ICE2: variants seen among roughly 807,000 people sequenced by gnomAD.
ICE2 encodes the protein little elongation complex subunit 2.
ICE2 carries 87 observed loss-of-function variants against 105.4 expected under a neutral mutation model. The ratio of observed to expected loss-of-function variants is 0.83; its 90% CI spans 0.69 to 0.99. The LOEUF is 0.99. Ranked by LOEUF, ICE2 falls within the 50% of genes least tolerant of loss-of-function variation. ICE2 has a pLI of 0.00. For missense variants in ICE2, 1,323 were observed against 1,146.7 expected, an observed-to-expected ratio of 1.15 and a Z score of -2.22; for synonymous variants, 399 against 392.0, an observed-to-expected ratio of 1.02 and a Z score of -0.21.
intron 9 of ICE2, among the ~76,000 whole-genome samples, 182 bp from the exon 10 acceptor site, chr15:60,450,023 T>A (rs1344861640): frequency 6.6e-6 from 1 of 152,192 alleles, no homozygotes; most frequent in Non-Finnish European, 1.5e-5. Context: ...ATTAACCTCA[T>A]CTTCCCACTG....
intron 3 of ICE2, among the ~76,000 whole-genome samples, chr15:60,474,234 T>C (rs2064690313): frequency 6.6e-6 from 1 of 152,098 alleles, no homozygotes. Flanking sequence ...TGCTTGTTTT[T>C]ACGTAAACTT....
chr15:60,441,303 A>G (rs193262340), intron 12 of ICE2: 24 of 152,228 alleles, frequency 1.6e-4, no homozygotes, highest in African/African-American at 5.8e-4. Flanking sequence ...TGAGTTAAGC[A>G]GAAAGAATCA....
chr15:60,447,349 T>C (rs1029268090), intron 11 of ICE2: 2 of 152,184 alleles, frequency 1.3e-5, no homozygotes, highest in African/African-American at 4.8e-5. Context: ...CCAATCTAGA[T>C]GTAATCTATG....
At chr15:60,459,098 A>G (rs1216668580) in intron 5 of ICE2, among the ~76,000 whole-genome samples, 1 of 152,202 alleles carries the variant, frequency 6.6e-6, no homozygotes, top group African/African-American at 2.4e-5. Context: ...AAATGGTGAA[A>G]ACGGTAAATT....
intron 5 of ICE2, among the ~76,000 whole-genome samples, chr15:60,465,394 T>C (rs1434973920): frequency 3.3e-5 from 5 of 152,204 alleles, no homozygotes; most frequent in Non-Finnish European, 5.9e-5. Context: ...TTTTATTATG[T>C]TGCCCAGGTT....
At chr15:60,475,315 CAGAG>C (rs1414234550) in intron 3 of ICE2, among the ~76,000 whole-genome samples, 1 of 152,006 alleles carries the variant, frequency 6.6e-6, no homozygotes, top group African/African-American at 2.4e-5. Context: ...CATTAAATAT[CAGAG>C]AGGAAAAAAA....
Position 60,453,582 on chromosome 15 carries a change from GA to G in ICE2, c.1125+20del, listed in dbSNP as rs752781349. 87 of 1,589,882 alleles carry G rather than the reference GA, an allele frequency of 5.5e-5. No individual in the cohort carries two copies. Among genetic ancestry groups the G allele is most frequent in the Middle Eastern group, 3.6e-4 (2 of 5,560 alleles). ...ATAAACAAGTACATTCCCCTTAGGG[GA>G]AAAAAAAAGCATTACATACGTCCAT... is the stretch of plus-strand genomic sequence containing the variant. On this transcript the variant is annotated intron_variant, in intron 9 of 15. Coordinates refer to ENST00000261520, the MANE Select transcript of ICE2 (RefSeq NM_024611.6).
At chr15:60,474,065 C>T (rs2064685640) in intron 3 of ICE2, among the ~76,000 whole-genome samples, 1 of 152,074 alleles carries the variant, frequency 6.6e-6, no homozygotes. Context: ...CCACTACACA[C>T]AGCAAATTAT....
chr15:60,479,139 T>C lies in ICE2; in HGVS notation c.-229A>G. 1 of 402,512 alleles carries C rather than the reference T, an allele frequency of 2.5e-6. No homozygotes were observed. The highest frequency in any genetic ancestry group is 5.2e-6 in the Non-Finnish European group (1 of 192,550). 24.9% of individuals were successfully genotyped at this position (402,512 alleles called of 1,614,324 possible). ...GCCGCGCCGACTCGGCCCTGCGTGA[T>C]GACGTCTCAGCGACATAGTGGGCGG... On this transcript the variant is annotated 5_prime_UTR_variant, in exon 1 of 16. Transcript: ENST00000261520.
At chr15:60,426,258 C>T (rs1595733967) in intron 15 of ICE2, among the ~76,000 whole-genome samples, 1 of 152,136 alleles carries the variant, frequency 6.6e-6, no homozygotes, top group African/African-American at 2.4e-5. Context: ...GATGTCACAG[C>T]TGTTACAACA....
intron 5 of ICE2, among the ~76,000 whole-genome samples, chr15:60,458,955 G>A (rs2064200382): frequency 1.3e-5 from 2 of 152,172 alleles, no homozygotes; most frequent in African/African-American, 4.8e-5. Context: ...GAACTGAGGG[G>A]AAGAGGAAAC....
At chr15:60,447,154 AAG>A in intron 11 of ICE2, among the ~76,000 whole-genome samples, 1 of 152,196 alleles carries the variant, frequency 6.6e-6, no homozygotes, top group East Asian at 1.9e-4. Context: ...CAGGGGAAAA[AAG>A]AAAGGAAGAG....
chr15:60,436,642 G>A (rs1349967584), intron 12 of ICE2, among the ~76,000 whole-genome samples: 1 of 149,470 alleles, frequency 6.7e-6, no homozygotes, highest in Non-Finnish European at 1.5e-5. Context: ...GTTAACCCGG[G>A]AGGCAGAGCT....
At chr15:60,435,924 G>C (rs1434501804) in intron 13 of ICE2, among the ~76,000 whole-genome samples, 1 of 151,746 alleles carries the variant, frequency 6.6e-6, no homozygotes, top group African/African-American at 2.4e-5. Context: ...AGTGAGCCGA[G>C]ATCACACCAC....
chr15:60,442,372 A>T, intron 12 of ICE2, 44 bp downstream of exon 12: 1 of 1,517,022 alleles, frequency 6.6e-7, no homozygotes, highest in Non-Finnish European at 8.9e-7. Flanking sequence ...GTATGTAATT[A>T]CAAGAAAATT....
At chr15:60,427,165 T>C (rs2063356248) in intron 15 of ICE2, among the ~76,000 whole-genome samples, 1 of 152,168 alleles carries the variant, frequency 6.6e-6, no homozygotes, top group Non-Finnish European at 1.5e-5. Flanking sequence ...TACTTTAAAT[T>C]ATTTAAAAAT....
intron 12 of ICE2, chr15:60,440,969 G>A (rs1030426816): frequency 6.6e-6 from 1 of 152,068 alleles, no homozygotes; most frequent in African/African-American, 2.4e-5. Flanking sequence ...TAATTAAAAT[G>A]AAGTAATCCA....
Position 60,456,769 on chromosome 15 carries a change from T to C in ICE2, c.554A>G (p.Gln185Arg). The part of the protein sequence containing the change: ...TEKILRACIE[Q>R]VKKYSEFYTL... ...ATAGAATTCTGAATACTTTTTCACT[T>C]GTTCAATGCAAGCTCTTAAAATTTT... The change falls in exon 6 of 16, where the codon CAA becomes CGA. Residue 185 changes from glutamine (Q) to arginine (R), a missense_variant. Transcript: ENST00000261520. 1 of 1,512,306 alleles carries C rather than the reference T, an allele frequency of 6.6e-7. No individual in the cohort carries two copies. Among genetic ancestry groups the C allele is most frequent in the Non-Finnish European group, 8.8e-7 (1 of 1,131,156 alleles). The allele number at this position is 1,512,306 out of a possible 1,614,324, so 93.7% of individuals were successfully genotyped here.
chr15:60,455,207 A>C, intron 7 of ICE2, 45 bp from the exon 8 acceptor site: 1 of 1,536,266 alleles, frequency 6.5e-7, no homozygotes, highest in East Asian at 2.3e-5. Context: ...ACTTATTGAA[A>C]ATTTCTTCAA....
Sources: gnomAD v4.1 joint callset for allele counts (sites outside exome capture counted in the v4.1 genomes callset) on GRCh38, gnomAD v4.1.1 for gene constraint, MANE v1.5 for transcripts, NCBI Gene and HGNC (gene_info 2026-07-23, HGNC 2026-07-21) for gene names.